DCDC2C: variants seen among roughly 807,000 people sequenced by gnomAD.
DCDC2C encodes doublecortin domain-containing protein 2C.
A neutral mutation model predicts 45.0 loss-of-function variants in DCDC2C; 44 were observed. That is an observed-to-expected ratio of 0.98 (90% CI 0.77 to 1.26). DCDC2C has a LOEUF of 1.26. Among genes scored for constraint, DCDC2C ranks in the 50% most tolerant of loss-of-function variants. The pLI is 0.00. For missense variants in DCDC2C, 447 were observed against 468.9 expected (o/e 0.95, Z 0.43); for synonymous variants, 187 against 178.8 (o/e 1.05, Z -0.37).
At chr2:3,726,272 G>T (rs1181821886) in intron 2 of DCDC2C, among the ~76,000 whole-genome samples, 1 of 152,074 alleles carries the variant, frequency 6.6e-6, no homozygotes, top group African/African-American at 2.4e-5. Flanking sequence ...CTTGTGGGTG[G>T]GACCAGGACC....
At chr2:3,725,366 G>A (rs1668614441) in intron 2 of DCDC2C, among the ~76,000 whole-genome samples, 1 of 152,144 alleles carries the variant, frequency 6.6e-6, no homozygotes, top group Non-Finnish European at 1.5e-5. Context: ...CTGGGGACCA[G>A]GGTGGCTGAA....
At chr2:3,770,868 C>T (rs773176993) in intron 8 of DCDC2C, among the ~76,000 whole-genome samples, 7 of 152,182 alleles carry the variant, frequency 4.6e-5, no homozygotes, top group African/African-American at 7.2e-5. Context: ...GGTTATCCCG[C>T]ACTAATGTGA....
At chr2:3,833,160 C>T (rs1045264110) in intron 10 of DCDC2C, among the ~76,000 whole-genome samples, 6 of 152,174 alleles carry the variant, frequency 3.9e-5, no homozygotes, top group Non-Finnish European at 7.3e-5. Flanking sequence ...CCCTCTGGCT[C>T]TTCTCTTCTG....
chr2:3,832,967 C>T (rs1055120928), intron 10 of DCDC2C, among the ~76,000 whole-genome samples: 11 of 152,250 alleles, frequency 7.2e-5, no homozygotes, highest in African/African-American at 9.6e-5. Context: ...ACACGGGTCT[C>T]ATTGGACTAA....
intron 10 of DCDC2C, chr2:3,788,452 C>G (rs144616855): frequency 6.6e-6 from 1 of 152,158 alleles, no homozygotes; most frequent in Non-Finnish European, 1.5e-5. Flanking sequence ...CCAAGCAGCA[C>G]GACAGGATGC....
chr2:3,775,176 G>A (rs13008239), intron 8 of DCDC2C, among the ~76,000 whole-genome samples: 423 of 73,600 alleles, frequency 5.7e-3, no homozygotes, highest in Non-Finnish European at 5.9e-3. Context: ...TGTGGCTGTG[G>A]GCTAGGCAGC....
Position 3,703,611 on chromosome 2 carries a change from CCCG to C in DCDC2C, c.-140_-138del, listed in dbSNP as rs1558553321. The C allele has an allele frequency of 6.0e-6, 5 of 832,470 alleles. No individual in the cohort carries two copies. The highest frequency in any genetic ancestry group is 5.4e-5 in the African/African-American group (3 of 55,484). 51.6% of individuals were successfully genotyped at this position (832,470 alleles called of 1,614,324 possible). A position where few individuals can be genotyped will look rare whatever the true frequency, so the allele number is the denominator to read the frequency against. ...GTCCCCGTCCAGCCCCCGTCCCGTC[CCCG>C]TCCCGTCCCCGTCCTGCGCCAGCGG... On this transcript the variant is annotated 5_prime_UTR_variant, in exon 1 of 11. Coordinates refer to ENST00000399143, the MANE Select transcript of DCDC2C (RefSeq NM_001287444.2). The surrounding 1 kb of genome is among the most constrained non-coding windows in gnomAD (Gnocchi z 4.4).
At chr2:3,739,365 C>A (rs1669126178) in intron 3 of DCDC2C, among the ~76,000 whole-genome samples, 1 of 150,318 alleles carries the variant, frequency 6.7e-6, no homozygotes, top group African/African-American at 2.5e-5. Context: ...TTTCCCTGCC[C>A]AAATGTTGCA....
At chr2:3,786,763 C>T (rs1033947997) in intron 10 of DCDC2C, among the ~76,000 whole-genome samples, 13 of 152,256 alleles carry the variant, frequency 8.5e-5, no homozygotes, top group Non-Finnish European at 1.3e-4. Flanking sequence ...GCTGGAGGAG[C>T]GCTAAATTCC....
At chr2:3,840,428 G>A (rs565999218) in intron 10 of DCDC2C, among the ~76,000 whole-genome samples, 79 of 152,326 alleles carry the variant, frequency 5.2e-4, no homozygotes, top group Admixed American at 1.4e-3. Context: ...TTCGGCGGGG[G>A]TTGGGGGAAG....
intron 3 of DCDC2C, among the ~76,000 whole-genome samples, chr2:3,733,110 AT>A (rs1467674395): frequency 6.6e-6 from 1 of 152,162 alleles, no homozygotes; most frequent in South Asian, 2.1e-4. Flanking sequence ...ACCTCTAACT[AT>A]TTAGAAAACA....
At chr2:3,776,852 C>T (rs1218493735) in intron 8 of DCDC2C, among the ~76,000 whole-genome samples, 1 of 152,196 alleles carries the variant, frequency 6.6e-6, no homozygotes, top group East Asian at 1.9e-4. Context: ...AAACCTTCTT[C>T]TCTGCATGAA....
At chr2:3,823,709 A>G (rs1459445951) in intron 10 of DCDC2C, among the ~76,000 whole-genome samples, 1 of 152,110 alleles carries the variant, frequency 6.6e-6, no homozygotes. Flanking sequence ...TATCTTTATC[A>G]ATGTTATTCC....
At chr2:3,794,878 C>G (rs1025572833) in intron 10 of DCDC2C, among the ~76,000 whole-genome samples, 5 of 150,574 alleles carry the variant, frequency 3.3e-5, no homozygotes, top group Non-Finnish European at 7.4e-5. Context: ...GGGTATATAC[C>G]CAGTAATGGG....
chr2:3,756,338 C>T (rs1160869953), intron 6 of DCDC2C, among the ~76,000 whole-genome samples: 2 of 152,198 alleles, frequency 1.3e-5, no homozygotes, highest in African/African-American at 2.4e-5. Flanking sequence ...CAGTGCCTGT[C>T]TGCCTGGCTC....
At chr2:3,838,244 T>C (rs1265053610) in intron 10 of DCDC2C, among the ~76,000 whole-genome samples, 3 of 150,830 alleles carry the variant, frequency 2.0e-5, no homozygotes, top group Non-Finnish European at 4.4e-5. Context: ...GCTGATGAGG[T>C]AGGAGAATTG....
intron 8 of DCDC2C, among the ~76,000 whole-genome samples, chr2:3,771,372 G>A (rs1283320667): frequency 6.6e-6 from 1 of 152,222 alleles, no homozygotes; most frequent in Non-Finnish European, 1.5e-5. Flanking sequence ...ACAGAGGCAA[G>A]GCATGAAGCT....
At chr2:3,794,145 A>G (rs1033087621) in intron 10 of DCDC2C, among the ~76,000 whole-genome samples, 116 of 152,230 alleles carry the variant, frequency 7.6e-4, no homozygotes, top group African/African-American at 2.6e-3. Flanking sequence ...AGCATTTTAC[A>G]ACATGATGCA....
At chr2:3,726,885 T>C (rs1668704372) in intron 2 of DCDC2C, 118 bp from the exon 3 acceptor site, 2 of 879,860 alleles carry the variant, frequency 2.3e-6, no homozygotes, top group Non-Finnish European at 3.6e-6. Context: ...GGGTGTTCTA[T>C]TGACAAAGGG....
Sources: allele counts gnomAD v4.1 joint callset (sites outside exome capture counted in the v4.1 genomes callset), GRCh38; gene constraint gnomAD v4.1.1; non-coding constraint Gnocchi (gnomAD v3.1); transcripts MANE v1.5; gene names NCBI Gene and HGNC (gene_info 2026-07-23, HGNC 2026-07-21).